The following LRRC36 variants were observed in gnomAD, a reference collection of about 807,000 sequenced individuals.
LRRC36 encodes leucine rich repeat containing 36.
In LRRC36, 62 loss-of-function variants were observed where a neutral mutation model predicts 81.1. The observed-to-expected ratio is 0.76, with a 90% CI of 0.62 to 0.94. LRRC36 has a LOEUF of 0.94. LRRC36 is among the 40% of genes least tolerant of loss of function. LRRC36 has a pLI of 0.00. For missense variants in LRRC36, 761 were observed against 881.7 expected, an observed-to-expected ratio of 0.86 and a Z score of 1.73; for synonymous variants, 334 against 348.6, an observed-to-expected ratio of 0.96 and a Z score of 0.47.
intron 1 of LRRC36, among the ~76,000 whole-genome samples, chr16:67,340,849 T>A (rs1018029823): frequency 2.7e-5 from 4 of 146,624 alleles, no homozygotes; most frequent in African/African-American, 9.9e-5. Flanking sequence ...ATATACCACA[T>A]ATACTCTATA....
rs1050029800 is a variant in LRRC36 at position 67,337,611 on chromosome 16, C to T, written c.71-4346C>T. Among the ~76,000 whole-genome samples, 11 of 151,612 alleles carry T rather than the reference C, an allele frequency of 7.3e-5. No individual in the cohort carries two copies. In the South Asian group the frequency reaches 8.3e-4, roughly 11 times the overall value. ...CTGGCCTCAGGTGATCTGCCCACCT[C>T]GGCCTTCCAAAGTGCTGGGATTACA... On this transcript the variant is annotated intron_variant, in intron 1 of 13. Transcript: ENST00000329956.
chr16:67,361,070 C>T (rs1015669332), intron 5 of LRRC36, among the ~76,000 whole-genome samples: 5 of 152,206 alleles, frequency 3.3e-5, no homozygotes, highest in Non-Finnish European at 5.9e-5. Context: ...TCTTGTCTCA[C>T]TCCTGTTACT....
chr16:67,333,973 T>C (rs1455611543), intron 1 of LRRC36, among the ~76,000 whole-genome samples: 1 of 152,158 alleles, frequency 6.6e-6, no homozygotes, highest in Non-Finnish European at 1.5e-5. Context: ...ATTTTTTGTG[T>C]TGTACAGTTC....
intron 9 of LRRC36, 30 bp from the exon 10 acceptor site, chr16:67,375,217 G>A: frequency 6.2e-7 from 1 of 1,600,838 alleles, no homozygotes; most frequent in Non-Finnish European, 8.5e-7. Flanking sequence ...TTTTTTGTTT[G>A]TTTGTTTTTG....
At chr16:67,384,620 G>C (rs1038642619) in intron 13 of LRRC36, among the ~76,000 whole-genome samples, 1 of 152,166 alleles carries the variant, frequency 6.6e-6, no homozygotes, top group Non-Finnish European at 1.5e-5. Context: ...TGAAAGAACA[G>C]AACAACCGCT....
At position 67,326,948 on chromosome 16, in the gene LRRC36, G is replaced by T. The variant is rs910095500; in HGVS notation, c.70+16G>T. ...GAGCAGCCGGGTAGGGTCTGGCCGG[G>T]AGGGTGTGGACTGGGAACGTAGGGT... On this transcript the variant is annotated intron_variant, in intron 1 of 13. Coordinates refer to ENST00000329956, the MANE Select transcript of LRRC36 (RefSeq NM_018296.6). 4 of 1,498,236 alleles carry T rather than the reference G, an allele frequency of 2.7e-6. No homozygotes were observed. Among genetic ancestry groups the T allele is most frequent in the Non-Finnish European group, 3.5e-6 (4 of 1,135,282 alleles). The allele number at this position is 1,498,236 out of a possible 1,614,324, so 92.8% of individuals were successfully genotyped here. A position where few individuals can be genotyped will look rare whatever the true frequency, so the allele number is the denominator to read the frequency against.
intron 2 of LRRC36, among the ~76,000 whole-genome samples, chr16:67,342,886 A>G (rs979076808): frequency 8.5e-5 from 13 of 152,158 alleles, no homozygotes; most frequent in African/African-American, 2.9e-4. Context: ...CCTAGGGGAT[A>G]TTTGTTCAAC....
chr16:67,338,807 C>G (rs1428875218), intron 1 of LRRC36, among the ~76,000 whole-genome samples: 1 of 139,992 alleles, frequency 7.1e-6, no homozygotes, highest in Non-Finnish European at 1.5e-5. Context: ...GAGAAGCCAT[C>G]AGGTTCATGG....
intron 5 of LRRC36, 86 bp downstream of exon 5, chr16:67,350,376 A>G: frequency 6.3e-6 from 7 of 1,107,126 alleles, no homozygotes; most frequent in Middle Eastern, 2.0e-4. Flanking sequence ...ATGAAGACAC[A>G]TAGTTGAGAA....
At chr16:67,363,145 A>G (rs1021188114) in intron 5 of LRRC36, among the ~76,000 whole-genome samples, 1 of 152,158 alleles carries the variant, frequency 6.6e-6, no homozygotes, top group Non-Finnish European at 1.5e-5. Flanking sequence ...GAAATGGTCA[A>G]TCAGTGCTGA....
intron 5 of LRRC36, among the ~76,000 whole-genome samples, chr16:67,351,552 C>A (rs1039399749): frequency 6.6e-6 from 1 of 152,098 alleles, no homozygotes; most frequent in Admixed American, 6.6e-5. Flanking sequence ...ACTAAAAATA[C>A]AAAAATTAGC....
chr16:67,363,121 A>G (rs914511111), intron 5 of LRRC36, among the ~76,000 whole-genome samples: 1 of 152,168 alleles, frequency 6.6e-6, no homozygotes, highest in Admixed American at 6.6e-5. Context: ...AGCAAGGCAG[A>G]AAAAGGCTAG....
rs1205072713 is a variant in LRRC36 at position 67,376,960 on chromosome 16, C to T, written c.1806+88C>T. On this transcript the variant is annotated intron_variant, in intron 11 of 13. Coordinates refer to ENST00000329956, the MANE Select transcript of LRRC36 (RefSeq NM_018296.6). ...TAATGATCAGCATCACCGTGAACAC[C>T]TAACCAAAATATGGCAAAAGTCTGG... 11 of 1,383,154 alleles carry T rather than the reference C, an allele frequency of 8.0e-6. No homozygotes were observed. In the African/African-American group the frequency reaches 1.4e-4, roughly 18 times the overall value. The allele number at this position is 1,383,154 out of a possible 1,614,324, so 85.7% of individuals were successfully genotyped here. A position where few individuals can be genotyped will look rare whatever the true frequency, so the allele number is the denominator to read the frequency against.
intron 5 of LRRC36, among the ~76,000 whole-genome samples, chr16:67,354,598 A>G: frequency 6.6e-6 from 1 of 152,090 alleles, no homozygotes; most frequent in East Asian, 1.9e-4. Flanking sequence ...TTTTTAAAAC[A>G]TATTTTATTT....
chr16:67,356,853 G>C (rs944751399), intron 5 of LRRC36, among the ~76,000 whole-genome samples: 1 of 152,230 alleles, frequency 6.6e-6, no homozygotes. Context: ...GGGAAAAGCA[G>C]CAGCAAAGAC....
Position 67,385,149 on chromosome 16 carries a change from C to T in LRRC36, c.*60C>T. 2 of 1,265,778 alleles carry T rather than the reference C, an allele frequency of 1.6e-6. No individual in the cohort carries two copies. Among genetic ancestry groups the T allele is most frequent in the Non-Finnish European group, 1.1e-6 (1 of 871,124 alleles). The allele number at this position is 1,265,778 out of a possible 1,614,324, so 78.4% of individuals were successfully genotyped here. A position where few individuals can be genotyped will look rare whatever the true frequency, so the allele number is the denominator to read the frequency against. ...TCCACAGAGGCTCTCACCGCCATTG[C>T]CACCAGTATGGTGGTATGTACTCAC... On this transcript the variant is annotated 3_prime_UTR_variant, in exon 14 of 14. Transcript: ENST00000329956.
At chr16:67,335,365 T>C (rs2037707866) in intron 1 of LRRC36, among the ~76,000 whole-genome samples, 1 of 152,200 alleles carries the variant, frequency 6.6e-6, no homozygotes, top group Non-Finnish European at 1.5e-5. Flanking sequence ...GAAATATGGC[T>C]CTGTTCCACC....
chr16:67,384,873 C>A lies in LRRC36; in HGVS notation c.2049C>A (p.Ser683=). ...GCCTTTTTCCCTTGGGCCTCAGATC[C>A]CTGGTGGTAACTAATGAGTATCTGC... ...TVAILHESQR[S]LVVTNEYLLQ... The change falls in exon 14 of 14, where the codon TCC becomes TCA. Residue 683 remains serine, a synonymous_variant. Coordinates refer to ENST00000329956, the MANE Select transcript of LRRC36 (RefSeq NM_018296.6). 1 of 1,613,508 alleles carries A rather than the reference C, an allele frequency of 6.2e-7. No homozygotes were observed. Among genetic ancestry groups the A allele is most frequent in the South Asian group, 1.1e-5 (1 of 91,056 alleles).
chr16:67,349,961 A>G (rs2038542024), intron 4 of LRRC36, among the ~76,000 whole-genome samples: 1 of 152,140 alleles, frequency 6.6e-6, no homozygotes, highest in Non-Finnish European at 1.5e-5. Flanking sequence ...GGGTTTCGCC[A>G]TGTTGGCCAG....
Sources: gnomAD v4.1 joint callset for allele counts (sites outside exome capture counted in the v4.1 genomes callset) on GRCh38, gnomAD v4.1.1 for gene constraint, MANE v1.5 for transcripts, NCBI Gene and HGNC (gene_info 2026-07-23, HGNC 2026-07-21) for gene names.